Variants in PPP6R1 observed in about 807,000 individuals in gnomAD.
PPP6R1 encodes the protein serine/threonine-protein phosphatase 6 regulatory subunit 1.
In PPP6R1, 39 loss-of-function variants were observed where a neutral mutation model predicts 104.6. The observed-to-expected ratio is 0.37, with a 90% CI of 0.29 to 0.49. The LOEUF (loss-of-function observed/expected upper bound fraction) is 0.49, where lower values mean the gene tolerates loss of function less well. Among genes scored for constraint, PPP6R1 ranks in the 20% least tolerant of loss-of-function variants. The pLI is 0.98. For missense variants in PPP6R1, 1,181 were observed against 1,155.8 expected, an observed-to-expected ratio of 1.02 and a Z score of -0.32; for synonymous variants, 549 against 479.0, an observed-to-expected ratio of 1.15 and a Z score of -1.91.
rs1177806570 is a variant in PPP6R1, at chr19:55,240,418, G to A, written c.1297-118C>T. ...GCTTCACCAGGCCCCCGCTCATCCA[G>A]AGACGGGGATGGGAAGGAGGGATGC... On this transcript the variant is annotated intron_variant, in intron 10 of 23. Coordinates refer to ENST00000412770, the MANE Select transcript of PPP6R1 (RefSeq NM_014931.4). The A allele has an allele frequency of 3.9e-6, 4 of 1,031,248 alleles. No homozygotes were observed. The East Asian group carries it at 1.0e-4, about 27-fold the overall frequency. The allele number at this position is 1,031,248 out of a possible 1,614,324, so 63.9% of individuals were successfully genotyped here.
chr19:55,239,223 A>AGGCAGACACACGAGGC (rs1445630470), intron 15 of PPP6R1, 182 bp downstream of exon 15: 4 of 621,140 alleles, frequency 6.4e-6, no homozygotes, highest in Non-Finnish European at 8.6e-6. Flanking sequence ...ATGTAACAGG[A>AGGCAGACACACGAGGC]GGCAGACACA....
intron 5 of PPP6R1, among the ~76,000 whole-genome samples, chr19:55,244,884 C>T (rs1194976537): frequency 6.6e-6 from 1 of 152,082 alleles, no homozygotes; most frequent in Non-Finnish European, 1.5e-5. Context: ...GCTGGGACTA[C>T]AGGTGTGCAA....
chr19:55,245,606 C>G lies in PPP6R1; in HGVS notation c.300G>C (p.Glu100Asp). 6.2e-7 allele frequency: 1 copy of G among 1,612,556 alleles called. No homozygotes were observed. Among genetic ancestry groups the G allele is most frequent in the Non-Finnish European group, 8.5e-7 (1 of 1,179,806 alleles). ...AGCCGTAGAGCCGGTTCAGAAGGGA[C>G]TCATCAGCACCCAGGGCATCATTGA... is the stretch of plus-strand genomic sequence containing the variant. The part of the protein sequence containing the change: ...PQINDALGAD[E>D]SLLNRLYGFL... Residue 100 changes from glutamate (E) to aspartate (D), a missense_variant, in exon 3 of 24, where the codon GAG becomes GAC. Physicochemically the swap from Glu to Asp is conservative, Grantham distance 45. Around this residue, in one of 2 missense-constraint regions of PPP6R1, gnomAD observed 139 missense variants for 200.1 expected, o/e 0.69. Coordinates refer to ENST00000412770, the MANE Select transcript of PPP6R1 (RefSeq NM_014931.4). This position sits in a 1 kb window ranked among gnomAD's most constrained non-coding sequence, Gnocchi z 6.4.
intron 17 of PPP6R1, among the ~76,000 whole-genome samples, chr19:55,233,538 T>C (rs761875743): frequency 2.0e-5 from 3 of 152,192 alleles, no homozygotes; most frequent in African/African-American, 7.2e-5. Context: ...ATTCTGTACA[T>C]AGAAAATCCT....
intron 11 of PPP6R1, 27 bp downstream of exon 11, chr19:55,240,209 G>T: frequency 6.3e-7 from 1 of 1,576,854 alleles, no homozygotes; most frequent in South Asian, 1.2e-5. Flanking sequence ...CCAGCCCCTG[G>T]AGACATGAAG....
intron 1 of PPP6R1, 114 bp from the exon 2 acceptor site, chr19:55,247,223 C>A (rs1312869461): frequency 3.6e-6 from 4 of 1,107,740 alleles, no homozygotes; most frequent in African/African-American, 1.5e-5. Flanking sequence ...CTCCCCAAGT[C>A]CCAGCCCTCT....
rs1010723760 is a variant in PPP6R1, at chr19:55,230,451, G to A, written c.*77C>T. The A allele has an allele frequency of 1.9e-5, 31 of 1,591,948 alleles. No homozygotes were observed. The highest frequency in any genetic ancestry group is 2.1e-4 in the Middle Eastern group (1 of 4,850). ...GGTGATGAGGGCAATGGGGGCCATC[G>A]TGGGACCCGCCCTGCCCCCACCCCG... On this transcript the variant is annotated 3_prime_UTR_variant, in exon 24 of 24. Coordinates refer to ENST00000412770, the MANE Select transcript of PPP6R1 (RefSeq NM_014931.4).
intron 15 of PPP6R1, among the ~76,000 whole-genome samples, chr19:55,237,771 T>C (rs1461301074): frequency 6.6e-6 from 1 of 152,208 alleles, no homozygotes; most frequent in Admixed American, 6.5e-5. Context: ...ACAGTGGGTC[T>C]AGGGCAGGGC....
downstream of PPP6R1, chr19:55,229,331 T>A (rs1021797959): frequency 1.3e-5 from 2 of 154,932 alleles, no homozygotes; most frequent in Non-Finnish European, 1.4e-5. Flanking sequence ...CCAGGTGACC[T>A]CCAAGCCAAC....
At position 55,236,814 on chromosome 19, in the gene PPP6R1, G is replaced by A. The variant is rs1257176078; in HGVS notation, c.1817C>T (p.Ala606Val). Residue 606 changes from alanine to valine, a missense_variant, in exon 17 of 24, where the codon GCC becomes GTC. Transcript: ENST00000412770. ...CTTGTAGCATATCTCAAGTAGGTTG[G>A]CGTTGGGCTGCAGGGCACAGGGGTG... ...SLNADDENPN[A>V]NLLEICYKDR... The A allele has an allele frequency of 1.9e-6, 3 of 1,613,826 alleles. No individual in the cohort carries two copies. The highest frequency in any genetic ancestry group is 2.5e-6 in the Non-Finnish European group (3 of 1,179,798).
At chr19:55,244,749 C>T (rs79927717) in intron 5 of PPP6R1, among the ~76,000 whole-genome samples, 1 of 146,628 alleles carries the variant, frequency 6.8e-6, no homozygotes, top group Middle Eastern at 3.5e-3. Context: ...TCTTTTCTTT[C>T]TTTTTTTTTT....
chr19:55,234,076 A>T (rs969589242), intron 17 of PPP6R1, among the ~76,000 whole-genome samples: 1 of 152,100 alleles, frequency 6.6e-6, no homozygotes, highest in Non-Finnish European at 1.5e-5. Flanking sequence ...CAGCCTCCTG[A>T]GTAGCTGGGA....
chr19:55,235,086 T>G (rs2087384387), intron 17 of PPP6R1, among the ~76,000 whole-genome samples: 1 of 151,954 alleles, frequency 6.6e-6, no homozygotes, highest in Admixed American at 6.6e-5. Flanking sequence ...ACAGCCTAAT[T>G]CCGAAATCAA....
At chr19:55,251,373 G>T (rs1380210806) in intron 1 of PPP6R1, among the ~76,000 whole-genome samples, 2 of 152,110 alleles carry the variant, frequency 1.3e-5, no homozygotes, top group African/African-American at 4.8e-5. Flanking sequence ...TTTTCACAAG[G>T]CCCCAGCTCC....
Position 55,242,064 on chromosome 19 carries a change from C to T in PPP6R1, c.845+102G>A, listed in dbSNP as rs568037788. On this transcript the variant is annotated intron_variant, in intron 7 of 23. Transcript: ENST00000412770. ...CAGGCAGCCACAGAGCAAGGTGCCA[C>T]GGGCGGGGATTTCTCTTGGTGGACA... 43 of 1,114,392 alleles carry T rather than the reference C, an allele frequency of 3.9e-5. No individual in the cohort carries two copies. In the Admixed American group the frequency reaches 6.2e-4, roughly 16 times the overall value. 69.0% of individuals were successfully genotyped at this position (1,114,392 alleles called of 1,614,324 possible). A position where few individuals can be genotyped will look rare whatever the true frequency, so the allele number is the denominator to read the frequency against.
chr19:55,244,617 G>A (rs1157113738), intron 5 of PPP6R1, among the ~76,000 whole-genome samples: 2 of 152,192 alleles, frequency 1.3e-5, no homozygotes, highest in Non-Finnish European at 2.9e-5. Flanking sequence ...CCTGGGTCAT[G>A]AAAAAAACCT....
Position 55,236,896 on chromosome 19 carries a change from G to C in PPP6R1, c.1809+17C>G. 1 of 1,612,704 alleles carries C rather than the reference G, an allele frequency of 6.2e-7. No homozygotes were observed. Among genetic ancestry groups the C allele is most frequent in the Non-Finnish European group, 8.5e-7 (1 of 1,178,668 alleles). ...ACCCCTCCACCCGCCACAACCAGGG[G>C]ACAGGGCAGTACTCACGTTCTCATC... On this transcript the variant is annotated intron_variant, in intron 16 of 23. Transcript: ENST00000412770.
At position 55,241,826 on chromosome 19, in the gene PPP6R1, A is replaced by C. The variant is rs2087460936; in HGVS notation, c.846-187T>G. ...GGTGGGGAGCCCGCCAGGCGGCAGC[A>C]TTGGCAGTCCACTGTGAGAGCACGG... On this transcript the variant is annotated intron_variant, in intron 7 of 23. Coordinates refer to ENST00000412770, the MANE Select transcript of PPP6R1 (RefSeq NM_014931.4). The surrounding 1 kb of genome is among the most constrained non-coding windows in gnomAD (Gnocchi z 5.4). Among the ~76,000 whole-genome samples the C allele has an allele frequency of 6.6e-6, 1 of 152,158 alleles. No homozygotes were observed. Among genetic ancestry groups the C allele is most frequent in the Non-Finnish European group, 1.5e-5 (1 of 68,008 alleles).
In PPP6R1 at chr19:55,245,015, G is replaced by A. The variant is rs562437901; in HGVS notation, c.618+105C>T. On this transcript the variant is annotated intron_variant, in intron 5 of 23. Coordinates refer to ENST00000412770, the MANE Select transcript of PPP6R1 (RefSeq NM_014931.4). The surrounding 1 kb of genome is among the most constrained non-coding windows in gnomAD (Gnocchi z 6.4). ...GCCCTCCCAAAGTGCTGGAATTACA[G>A]GCGTGAGCCACTGCGTCCAGCCCCA... is the stretch of plus-strand genomic sequence containing the variant. The A allele has an allele frequency of 5.4e-4, 805 of 1,492,590 alleles. No individual in the cohort carries two copies. The highest frequency in any genetic ancestry group is 1.0e-3 in the Middle Eastern group (5 of 4,902). 92.5% of individuals were successfully genotyped at this position (1,492,590 alleles called of 1,614,324 possible). A position where few individuals can be genotyped will look rare whatever the true frequency, so the allele number is the denominator to read the frequency against.
Sources: gnomAD v4.1 joint callset for allele counts (sites outside exome capture counted in the v4.1 genomes callset) on GRCh38, gnomAD v4.1.1 for gene constraint, gnomAD v4.1.1 regional missense constraint, Gnocchi (gnomAD v3.1) non-coding constraint, MANE v1.5 for transcripts, NCBI Gene and HGNC (gene_info 2026-07-23, HGNC 2026-07-21) for gene names.